PHF11: variants seen among roughly 807,000 people sequenced by gnomAD.
PHF11 encodes the protein BRCA1 C-terminus-associated protein.
Under a neutral mutation model 40.5 loss-of-function variants are expected in PHF11, and 38 were observed. The ratio of observed to expected loss-of-function variants is 0.94; its 90% CI spans 0.72 to 1.23. PHF11 has a LOEUF of 1.23. PHF11 is among the 50% of genes most tolerant of loss of function. PHF11 has a pLI of 0.00. For missense variants in PHF11, 369 were observed against 392.4 expected, an observed-to-expected ratio of 0.94 and a Z score of 0.50; for synonymous variants, 127 against 138.2, an observed-to-expected ratio of 0.92 and a Z score of 0.57.
At chr13:49,514,417 G>A (rs1029371538) in intron 3 of PHF11, among the ~76,000 whole-genome samples, 26 of 152,148 alleles carry the variant, frequency 1.7e-4, no homozygotes, top group Non-Finnish European at 3.1e-4. Flanking sequence ...CTTAGGCAGT[G>A]TACACAATAC....
At chr13:49,524,030 T>A in intron 7 of PHF11, 55 bp from the exon 8 acceptor site, 1 of 1,498,220 alleles carries the variant, frequency 6.7e-7, no homozygotes, top group South Asian at 1.2e-5. Flanking sequence ...ATAAAGTAAT[T>A]TATGATTAGC....
intron 4 of PHF11, 81 bp from the exon 5 acceptor site, chr13:49,520,812 GT>G: frequency 1.0e-6 from 1 of 989,962 alleles, no homozygotes; most frequent in Non-Finnish European, 1.5e-6. Context: ...AGGTTGGTAC[GT>G]TTTTAATCAC....
rs565791016 is a variant in PHF11 at position 49,500,432 on chromosome 13, C to T, written c.94+4337C>T. Among the ~76,000 whole-genome samples, 10 of 152,260 alleles carry T rather than the reference C, an allele frequency of 6.6e-5. No homozygotes were observed. In the East Asian group the frequency reaches 1.3e-3, roughly 21 times the overall value. On this transcript the variant is annotated intron_variant, in intron 1 of 9. Coordinates refer to ENST00000378319, the MANE Select transcript of PHF11 (RefSeq NM_001040443.3). ...CCAAATGTATGTGGTCCATGAGTTT[C>T]GGATAACACATAGCAAGAGTTCAGA...
chr13:49,521,910 A>G, intron 5 of PHF11, 133 bp from the exon 6 acceptor site: 1 of 512,430 alleles, frequency 2.0e-6, no homozygotes, highest in African/African-American at 2.0e-5. Flanking sequence ...TAAGTGCTGC[A>G]AACACTTAGT....
chr13:49,505,128 A>T (rs949569988), intron 1 of PHF11, among the ~76,000 whole-genome samples: 1 of 149,116 alleles, frequency 6.7e-6, no homozygotes, highest in African/African-American at 2.5e-5. Context: ...AATAATAAAA[A>T]AATAAATAAA....
At chr13:49,522,129 AGCTTTGCAT>A (rs1959191478) in intron 6 of PHF11, 22 bp downstream of exon 6, 1 of 1,290,642 alleles carries the variant, frequency 7.7e-7, no homozygotes. Flanking sequence ...TAGTTTTTAT[AGCTTTGCAT>A]TTCTTCATAC....
intron 7 of PHF11, 34 bp from the exon 8 acceptor site, chr13:49,524,051 C>G: frequency 6.3e-7 from 1 of 1,583,860 alleles, no homozygotes; most frequent in Non-Finnish European, 8.6e-7. Flanking sequence ...TGCCCTAAGA[C>G]TATTTCCTTC....
chr13:49,512,998 C>T (rs1264865716), intron 2 of PHF11, 61 bp from the exon 3 acceptor site: 1 of 819,652 alleles, frequency 1.2e-6, no homozygotes, highest in South Asian at 1.6e-5. Context: ...GTATGATTTT[C>T]TGACATGTAG....
chr13:49,515,764 C>T (rs930980521), intron 3 of PHF11, among the ~76,000 whole-genome samples: 3 of 152,140 alleles, frequency 2.0e-5, no homozygotes, highest in East Asian at 1.9e-4. Context: ...TACCCCAGCC[C>T]GTAGTTCTCC....
intron 1 of PHF11, among the ~76,000 whole-genome samples, chr13:49,502,745 G>T (rs112971837): frequency 0.061 from 9,217 of 152,162 alleles, 501 homozygotes; most frequent in East Asian, 0.18. Flanking sequence ...GTTTTGAGAC[G>T]GAGTTTCACT....
intron 3 of PHF11, among the ~76,000 whole-genome samples, chr13:49,516,545 A>G (rs994793387): frequency 3.3e-5 from 5 of 150,172 alleles, no homozygotes; most frequent in Non-Finnish European, 7.4e-5. Flanking sequence ...AATATTTTGA[A>G]TGCCCTCACT....
rs149192525 is a variant in PHF11, at chr13:49,525,165, C to T, written c.769+949C>T. On this transcript the variant is annotated intron_variant, in intron 8 of 9. Transcript: ENST00000378319. ...GACTGATGTTTGGTTTAAAGATGTA[C>T]TTTGTTAAAGAAGTTTCTTTCTTAA... Among the ~76,000 whole-genome samples the T allele has an allele frequency of 6.9e-4, 105 of 152,276 alleles. 1 individual carries two copies. The highest frequency in any genetic ancestry group is 2.5e-3 in the African/African-American group (102 of 41,568).
At chr13:49,507,044 C>G (rs1488831308) in intron 2 of PHF11, among the ~76,000 whole-genome samples, 2 of 151,632 alleles carry the variant, frequency 1.3e-5, no homozygotes, top group Non-Finnish European at 2.9e-5. Context: ...GCTGGGACTA[C>G]AGGTGCCCGC....
intron 4 of PHF11, among the ~76,000 whole-genome samples, chr13:49,520,151 C>A (rs1388393567): frequency 6.6e-6 from 1 of 152,176 alleles, no homozygotes; most frequent in Admixed American, 6.5e-5. Flanking sequence ...TGGGTTCAAG[C>A]GATTCTCCTG....
intron 1 of PHF11, among the ~76,000 whole-genome samples, chr13:49,504,565 G>T (rs1236958894): frequency 7.4e-6 from 1 of 135,470 alleles, no homozygotes; most frequent in African/African-American, 2.7e-5. Flanking sequence ...CCTCTGCCCG[G>T]CCAGCCGCCC....
At chr13:49,523,419 T>A (rs1959201151) in intron 7 of PHF11, 178 bp downstream of exon 7, 2 of 601,102 alleles carry the variant, frequency 3.3e-6, no homozygotes, top group Non-Finnish European at 3.0e-6. Context: ...CATATCAAGA[T>A]AACTTAGGTT....
intron 3 of PHF11, among the ~76,000 whole-genome samples, chr13:49,514,574 G>A (rs1445457147): frequency 1.3e-5 from 2 of 151,960 alleles, no homozygotes; most frequent in African/African-American, 2.4e-5. Context: ...GGGCAATATA[G>A]TGGGACCCTG....
At chr13:49,516,526 T>C (rs546571547) in intron 3 of PHF11, among the ~76,000 whole-genome samples, 1 of 150,404 alleles carries the variant, frequency 6.6e-6, no homozygotes, top group South Asian at 2.1e-4. Flanking sequence ...ATCTTTTCCT[T>C]GTCTTTTAAA....
intron 3 of PHF11, among the ~76,000 whole-genome samples, chr13:49,516,990 A>C (rs1043093627): frequency 6.6e-6 from 1 of 152,088 alleles, no homozygotes; most frequent in Non-Finnish European, 1.5e-5. Flanking sequence ...CCTAATCTTT[A>C]AGAGTTTTTT....
Sources: allele counts gnomAD v4.1 joint callset (sites outside exome capture counted in the v4.1 genomes callset), GRCh38; gene constraint gnomAD v4.1.1; transcripts MANE v1.5; gene names NCBI Gene and HGNC (gene_info 2026-07-23, HGNC 2026-07-21).